Variants in KCNIP1 observed in about 807,000 individuals in gnomAD.
The protein encoded by KCNIP1 is potassium voltage-gated channel interacting protein 1, also known as A-type potassium channel modulatory protein KCNIP1.
In KCNIP1, 18 loss-of-function variants were observed where a neutral mutation model predicts 33.0. The ratio of observed to expected loss-of-function variants is 0.55; its 90% confidence interval spans 0.38 to 0.81. KCNIP1 has a LOEUF of 0.81. KCNIP1 is among the 30% of genes least tolerant of loss of function. The pLI, the probability that KCNIP1 is intolerant of heterozygous loss-of-function variation, is 0.00. For synonymous variants in KCNIP1, 93 were observed against 98.3 expected (o/e 0.95, Z 0.32); for missense variants, 238 against 271.6 (o/e 0.88, Z 0.87).
intron 1 of KCNIP1, among the ~76,000 whole-genome samples, chr5:170,526,673 G>GGGAC (rs1271133734): frequency 6.6e-6 from 1 of 151,398 alleles, no homozygotes; most frequent in Non-Finnish European, 1.5e-5. Flanking sequence ...CCCCACTGAT[G>GGGAC]GGACACCTTT....
chr5:170,586,105 C>T (rs775310053), intron 1 of KCNIP1, among the ~76,000 whole-genome samples: 8 of 152,194 alleles, frequency 5.3e-5, no homozygotes, highest in Non-Finnish European at 8.8e-5. Context: ...AATTAATACC[C>T]ACCCCACAGT....
Position 170,691,758 on chromosome 5 carries a change from G to A in KCNIP1, c.62-27000G>A, listed in dbSNP as rs1762726420. 2.6e-5 allele frequency among the ~76,000 whole-genome samples: 4 copies of A among 152,074 alleles called. No individual in the cohort carries two copies. The South Asian group carries it at 8.3e-4, about 31-fold the overall frequency. On this transcript the variant is annotated intron_variant, in intron 1 of 7. Coordinates refer to ENST00000328939, the MANE Select transcript of KCNIP1 (RefSeq NM_014592.4). Reference sequence around the variant, plus strand: ...GGTCCAAGAGGCTTCTGGTGCCCAGGGAACCAGCAGGGTCCCCTGAGCGTT... The same window carrying A: ...GGTCCAAGAGGCTTCTGGTGCCCAGAGAACCAGCAGGGTCCCCTGAGCGTT...
chr5:170,468,831 C>T (rs1561639782), intron 1 of KCNIP1, among the ~76,000 whole-genome samples: 1 of 151,886 alleles, frequency 6.6e-6, no homozygotes, highest in Non-Finnish European at 1.5e-5. Flanking sequence ...GAGCCGAGAT[C>T]GCGCCCCTAC....
chr5:170,492,652 C>A (rs960073476), intron 1 of KCNIP1, among the ~76,000 whole-genome samples: 7 of 152,190 alleles, frequency 4.6e-5, no homozygotes, highest in African/African-American at 1.7e-4. Flanking sequence ...CCAAGAGTCA[C>A]CTCACTGGAA....
At chr5:170,617,247 G>T (rs531467665) in intron 1 of KCNIP1, among the ~76,000 whole-genome samples, 1 of 152,168 alleles carries the variant, frequency 6.6e-6, no homozygotes, top group East Asian at 1.9e-4. Flanking sequence ...GGGCATTGTG[G>T]ACAAGAAGGG....
intron 1 of KCNIP1, among the ~76,000 whole-genome samples, chr5:170,667,589 G>A (rs1761755310): frequency 6.6e-6 from 1 of 152,216 alleles, no homozygotes; most frequent in African/African-American, 2.4e-5. Context: ...TGTGTACTGA[G>A]GGGCAGTATT....
intron 1 of KCNIP1, among the ~76,000 whole-genome samples, chr5:170,596,552 G>A (rs570456092): frequency 2.6e-5 from 4 of 152,326 alleles, no homozygotes; most frequent in Admixed American, 6.5e-5. Flanking sequence ...ACCACCCCAC[G>A]TAGCATGGAG....
chr5:170,668,383 G>A (rs1022153159), intron 1 of KCNIP1, among the ~76,000 whole-genome samples: 6 of 152,218 alleles, frequency 3.9e-5, no homozygotes, highest in African/African-American at 1.4e-4. Flanking sequence ...CCAGACTAGA[G>A]TCAGGAGTCC....
At chr5:170,365,548 G>A (rs1364522722) in intron 1 of KCNIP1, among the ~76,000 whole-genome samples, 1 of 152,198 alleles carries the variant, frequency 6.6e-6, no homozygotes, top group Non-Finnish European at 1.5e-5. Flanking sequence ...GATGGCGATG[G>A]TTTCCAGTGT....
intron 1 of KCNIP1, among the ~76,000 whole-genome samples, chr5:170,510,921 G>A (rs1754910892): frequency 6.6e-6 from 1 of 152,142 alleles, no homozygotes; most frequent in South Asian, 2.1e-4. Context: ...TATAAAATGG[G>A]GACAGTGGGC....
intron 1 of KCNIP1, among the ~76,000 whole-genome samples, chr5:170,569,450 G>T (rs892416547): frequency 4.6e-5 from 7 of 152,372 alleles, no homozygotes; most frequent in African/African-American, 1.7e-4. Context: ...GGGCAGTCCA[G>T]GTTCCTATCA....
intron 1 of KCNIP1, among the ~76,000 whole-genome samples, chr5:170,354,226 G>A (rs144950197): frequency 1.3e-3 from 202 of 152,280 alleles, no homozygotes; most frequent in African/African-American, 4.6e-3. Flanking sequence ...CGTTATGGGC[G>A]GGCAGAGGGA....
chr5:170,551,423 G>A (rs545158026), intron 1 of KCNIP1, among the ~76,000 whole-genome samples: 3 of 152,210 alleles, frequency 2.0e-5, no homozygotes, highest in Non-Finnish European at 4.4e-5. Flanking sequence ...TGTTGCAAAC[G>A]TGCAGGGTAA....
At position 170,504,220 on chromosome 5, in the gene KCNIP1, C is replaced by G; in HGVS notation, c.-353C>G. The G allele has an allele frequency of 4.7e-6, 5 of 1,057,962 alleles. No homozygotes were observed. Among genetic ancestry groups the G allele is most frequent in the Non-Finnish European group, 4.6e-6 (4 of 877,902 alleles). The allele number at this position is 1,057,962 out of a possible 1,614,324, so 65.5% of individuals were successfully genotyped here. The stretch of plus-strand genomic sequence containing the variant: ...TCCCGCACCGCACGCGGCGCTGGCT[C>G]GGCAGCCTCGGCCGGGCGGCCGCTC... On this transcript the variant is annotated 5_prime_UTR_variant, in exon 1 of 8. Coordinates refer to ENST00000328939, the MANE Select transcript of KCNIP1 (RefSeq NM_014592.4). This position sits in a 1 kb window ranked among gnomAD's most constrained non-coding sequence, Gnocchi z 6.0.
chr5:170,521,617 G>A (rs903559752), intron 1 of KCNIP1, among the ~76,000 whole-genome samples: 1 of 152,210 alleles, frequency 6.6e-6, no homozygotes, highest in Non-Finnish European at 1.5e-5. Context: ...TTAGAAGTCA[G>A]GAGAGCAAAA....
chr5:170,687,185 A>ATTT (rs540360161), intron 1 of KCNIP1, among the ~76,000 whole-genome samples: 2 of 145,886 alleles, frequency 1.4e-5, no homozygotes, highest in African/African-American at 2.5e-5. Flanking sequence ...ACCTGAGTAA[A>ATTT]TTTTTTTTTT....
chr5:170,465,113 C>A (rs577488435), intron 1 of KCNIP1, among the ~76,000 whole-genome samples: 1 of 152,102 alleles, frequency 6.6e-6, no homozygotes, highest in Non-Finnish European at 1.5e-5. Flanking sequence ...ACATGCTGGA[C>A]GCTGGAGAGA....
intron 1 of KCNIP1, among the ~76,000 whole-genome samples, chr5:170,612,108 G>C (rs28379624): frequency 0.021 from 3,253 of 152,302 alleles, 123 homozygotes; most frequent in African/African-American, 0.074. Context: ...ATGTCCACAA[G>C]AGATTCTCTG....
At chr5:170,643,120 A>G (rs1760642385) in intron 1 of KCNIP1, among the ~76,000 whole-genome samples, 1 of 152,234 alleles carries the variant, frequency 6.6e-6, no homozygotes. Flanking sequence ...AGGAAGACAG[A>G]GATTTTGCTA....
Sources: gnomAD v4.1 joint callset for allele counts (sites outside exome capture counted in the v4.1 genomes callset) on GRCh38, gnomAD v4.1.1 for gene constraint, Gnocchi (gnomAD v3.1) non-coding constraint, MANE v1.5 for transcripts, NCBI Gene and HGNC (gene_info 2026-07-23, HGNC 2026-07-21) for gene names.